HEATR4: variants seen among roughly 807,000 people sequenced by gnomAD.
HEATR4 encodes HEAT repeat-containing protein 4.
HEATR4 carries 95 observed loss-of-function variants against 108.8 expected under a neutral mutation model. The observed-to-expected ratio is 0.87, with a 90% CI of 0.74 to 1.04. The LOEUF (loss-of-function observed/expected upper bound fraction) is 1.04, where lower values mean the gene tolerates loss of function less well. HEATR4 is among the 50% of genes least tolerant of loss of function. HEATR4 has a pLI of 0.00. For synonymous variants in HEATR4, 443 were observed against 459.4 expected, an observed-to-expected ratio of 0.96 and a Z score of 0.46; for missense variants, 1,152 against 1,253.8, an observed-to-expected ratio of 0.92 and a Z score of 1.23.
chr14:73,619,038 G>A, the HEATR4 span, among the ~76,000 whole-genome samples: 9 of 152,134 alleles, frequency 5.9e-5, no homozygotes, highest in Non-Finnish European at 1.0e-4. Flanking sequence ...GCTGAGGCAC[G>A]AGAATTGCTT....
rs117464488 is a variant in HEATR4, at chr14:73,503,293, A to G, written c.1987-280T>C. Among the ~76,000 whole-genome samples the G allele has an allele frequency of 2.0e-3, 311 of 152,274 alleles. 1 individual carries two copies. Among genetic ancestry groups the G allele is most frequent in the Non-Finnish European group, 3.9e-3 (268 of 68,016 alleles). On this transcript the variant is annotated intron_variant, in intron 10 of 17. Coordinates refer to ENST00000553558, the MANE Select transcript of HEATR4 (RefSeq NM_001220484.1). ...CAACTCTCCCAAGCTCATCCTTTAA[A>G]CTATGTAGTATCAGTGCCAACATAA...
chr14:73,630,289 C>T, the HEATR4 span, among the ~76,000 whole-genome samples: 1 of 152,204 alleles, frequency 6.6e-6, no homozygotes, highest in Admixed American at 6.6e-5. Flanking sequence ...GGTGTTATCG[C>T]TACTGCACAA....
upstream of HEATR4, among the ~76,000 whole-genome samples, chr14:73,559,619 G>A (rs1035317160): frequency 3.3e-5 from 5 of 151,956 alleles, no homozygotes; most frequent in African/African-American, 1.2e-4. Flanking sequence ...GCGCATGCCT[G>A]TAATCCCAGC....
At position 73,509,442 on chromosome 14, in the gene HEATR4, T is replaced by G; in HGVS notation, c.1590A>C (p.Leu530=). 2 of 1,614,056 alleles carry G rather than the reference T, an allele frequency of 1.2e-6. No individual in the cohort carries two copies. Among genetic ancestry groups the G allele is most frequent in the Non-Finnish European group, 1.7e-6 (2 of 1,180,008 alleles). ...DKTIQDLPEV[L]LPALEAALCD... Reference sequence around the variant, plus strand: ...AAAGAGCAGCCTCTAGGGCAGGCAGTAGAACCTCCGGCAAGTCCTGGATGG... The same window carrying G: ...AAAGAGCAGCCTCTAGGGCAGGCAGGAGAACCTCCGGCAAGTCCTGGATGG... Residue 530 remains leucine (L), a synonymous_variant, in exon 8 of 18, where the codon CTA becomes CTC. Coordinates refer to ENST00000553558, the MANE Select transcript of HEATR4 (RefSeq NM_001220484.1).
chr14:73,602,049 T>C, the HEATR4 span, among the ~76,000 whole-genome samples: 1 of 152,068 alleles, frequency 6.6e-6, no homozygotes, highest in African/African-American at 2.4e-5. Context: ...CAAGCGATTC[T>C]CCTGCCTCAG....
the HEATR4 span, among the ~76,000 whole-genome samples, chr14:73,590,624 G>A: frequency 6.6e-5 from 10 of 152,172 alleles, no homozygotes; most frequent in Non-Finnish European, 1.5e-4. Context: ...GCCCTGCGCC[G>A]CGGGGAGGCA....
intron 2 of HEATR4, among the ~76,000 whole-genome samples, chr14:73,524,753 C>T (rs142409126): frequency 2.3e-3 from 352 of 151,502 alleles, no homozygotes; most frequent in African/African-American, 8.2e-3. Flanking sequence ...ACTTTGTTGG[C>T]CTTGCCTCTC....
At chr14:73,517,957 G>A (rs144774170) in intron 5 of HEATR4, among the ~76,000 whole-genome samples, 262 of 152,034 alleles carry the variant, frequency 1.7e-3, no homozygotes, top group Admixed American at 3.5e-3. Context: ...GTGGTGGCGC[G>A]CACCTGTAGT....
At chr14:73,539,874 C>G (rs1395052614) in intron 1 of HEATR4, 19 of 110,674 alleles carry the variant, frequency 1.7e-4, no homozygotes, top group East Asian at 7.4e-4. Context: ...ACTTTTCTTT[C>G]AATTCACACA....
the HEATR4 span, among the ~76,000 whole-genome samples, chr14:73,630,057 A>T: frequency 0.056 from 8,388 of 150,252 alleles, 268 homozygotes; most frequent in Middle Eastern, 0.15. Flanking sequence ...AAAAAAATTT[A>T]AAAAAAAAAG....
chr14:73,510,960 A>C (rs912936511), intron 7 of HEATR4, among the ~76,000 whole-genome samples: 5 of 152,158 alleles, frequency 3.3e-5, no homozygotes, highest in Non-Finnish European at 7.3e-5. Flanking sequence ...TTTATATTTC[A>C]CTTATAGCTC....
intron 3 of HEATR4, 67 bp from the exon 4 acceptor site, chr14:73,521,106 A>C (rs1887952055): frequency 7.3e-7 from 1 of 1,369,308 alleles, no homozygotes; most frequent in African/African-American, 1.4e-5. Context: ...TTTCCATTAA[A>C]TCCACAGCTC....
chr14:73,587,153 A>C, the HEATR4 span, among the ~76,000 whole-genome samples: 1 of 152,022 alleles, frequency 6.6e-6, no homozygotes, highest in African/African-American at 2.4e-5. Context: ...AAAAACAAAA[A>C]AAAGATGATT....
the HEATR4 span, chr14:73,592,380 G>A: frequency 1.3e-6 from 2 of 1,563,802 alleles, no homozygotes; most frequent in Non-Finnish European, 1.7e-6. Flanking sequence ...GTCGGTGCGA[G>A]CGGGCCGGGT....
In HEATR4 at chr14:73,550,277, C is replaced by T. The variant is rs1889299373; in HGVS notation, c.-152+8474G>A. On this transcript the variant is annotated intron_variant, in intron 1 of 17. Transcript: ENST00000553558. The stretch of plus-strand genomic sequence containing the variant: ...TTCTCGGGATGCAGCGACCATGGCA[C>T]CCATACAGTCAACACAGTGAGCCTC... 2.7e-5 allele frequency among the ~76,000 whole-genome samples: 3 copies of T among 112,940 alleles called. 1 individual carries two copies. The highest frequency in any genetic ancestry group is 5.8e-5 in the Non-Finnish European group (3 of 51,966). 74.1% of individuals were successfully genotyped at this position (112,940 alleles called of 152,430 possible).
upstream of HEATR4, among the ~76,000 whole-genome samples, chr14:73,562,299 C>A (rs1297781967): frequency 6.6e-6 from 1 of 151,960 alleles, no homozygotes; most frequent in East Asian, 1.9e-4. Flanking sequence ...CCAAATAATA[C>A]TTTTATAATT....
the HEATR4 span, chr14:73,619,126 T>C: frequency 2.1e-6 from 3 of 1,399,200 alleles, no homozygotes; most frequent in Non-Finnish European, 2.9e-6. Context: ...CGAGACTCCA[T>C]CTCAAAAAAG....
chr14:73,602,386 A>G, the HEATR4 span, among the ~76,000 whole-genome samples: 79 of 152,330 alleles, frequency 5.2e-4, no homozygotes, highest in East Asian at 1.7e-3. Flanking sequence ...GCTGAGGGCA[A>G]TCGCTTCCTG....
rs534904606 is a variant in HEATR4 at position 73,521,121 on chromosome 14, C to T, written c.882-82G>A. On this transcript the variant is annotated intron_variant, in intron 3 of 17. Transcript: ENST00000553558. ...TTTCCATTAAATCCACAGCTCGTTC[C>T]CTTTCCTCTTTAAGCTCAGCTCCTA... 496 of 1,237,826 alleles carry T rather than the reference C, an allele frequency of 4.0e-4. 7 individuals are homozygous for T. In the South Asian group the frequency reaches 6.6e-3, roughly 17 times the overall value. 76.7% of individuals were successfully genotyped at this position (1,237,826 alleles called of 1,614,324 possible). A position where few individuals can be genotyped will look rare whatever the true frequency, so the allele number is the denominator to read the frequency against.
Sources: gnomAD v4.1 joint callset for allele counts (sites outside exome capture counted in the v4.1 genomes callset) on GRCh38, gnomAD v4.1.1 for gene constraint, MANE v1.5 for transcripts, NCBI Gene and HGNC (gene_info 2026-07-23, HGNC 2026-07-21) for gene names.